Variants in AIG1 observed in about 807,000 individuals in gnomAD.
AIG1 encodes androgen induced 1.
In AIG1, 23 loss-of-function variants were observed where a neutral mutation model predicts 31.4. That is an observed-to-expected ratio of 0.73 (90% confidence interval 0.53 to 1.04). The LOEUF (loss-of-function observed/expected upper bound fraction) is 1.04. Ranked by LOEUF, AIG1 falls within the 50% of genes least tolerant of loss-of-function variation. The probability of loss-of-function intolerance (pLI) is 0.00; values close to 1 mark genes in which losing one functional copy is unlikely to be tolerated. For missense variants in AIG1, 274 were observed against 295.0 expected, an observed-to-expected ratio of 0.93 and a Z score of 0.52; for synonymous variants, 100 against 110.5, an observed-to-expected ratio of 0.90 and a Z score of 0.60.
At chr6:143,289,041 G>A (rs1797879413) in intron 4 of AIG1, among the ~76,000 whole-genome samples, 1 of 152,090 alleles carries the variant, frequency 6.6e-6, no homozygotes, top group South Asian at 2.1e-4. Flanking sequence ...TGTAGATGAA[G>A]CCTCATACGT....
chr6:143,269,479 T>A (rs1389102647), intron 3 of AIG1, among the ~76,000 whole-genome samples: 1 of 152,138 alleles, frequency 6.6e-6, no homozygotes, highest in Non-Finnish European at 1.5e-5. Context: ...TATATATGCC[T>A]AAGAAAAATG....
chr6:143,221,171 C>T (rs1792484663), intron 3 of AIG1, among the ~76,000 whole-genome samples: 1 of 152,176 alleles, frequency 6.6e-6, no homozygotes, highest in Non-Finnish European at 1.5e-5. Flanking sequence ...GATAAGCACA[C>T]TCTTATTAAG....
chr6:143,063,247 C>G (rs571451170), intron 1 of AIG1, among the ~76,000 whole-genome samples: 1 of 152,160 alleles, frequency 6.6e-6, no homozygotes, highest in African/African-American at 2.4e-5. Context: ...AATCACCATA[C>G]AGGACTTTTT....
At chr6:143,316,702 A>G (rs529035491) in intron 4 of AIG1, among the ~76,000 whole-genome samples, 1 of 152,244 alleles carries the variant, frequency 6.6e-6, no homozygotes, top group African/African-American at 2.4e-5. Context: ...AATACAAAAG[A>G]TAAATGAAAC....
Position 143,293,664 on chromosome 6 carries a change from C to T in AIG1, c.515+9439C>T, listed in dbSNP as rs1562564421. 6.6e-6 allele frequency among the ~76,000 whole-genome samples: 1 copy of T among 152,166 alleles called. No homozygotes were observed. Reference sequence around the variant, plus strand: ...TTCTGAGTTTTTTGTTCTCCTACCCCCAACAGCTGGTTCTCAGACATTCTG... The same window carrying T: ...TTCTGAGTTTTTTGTTCTCCTACCCTCAACAGCTGGTTCTCAGACATTCTG... On this transcript the variant is annotated intron_variant, in intron 4 of 5. Coordinates refer to ENST00000357847, the MANE Select transcript of AIG1 (RefSeq NM_016108.4). The surrounding 1 kb of genome is among the most constrained non-coding windows in gnomAD (Gnocchi z 4.8).
chr6:143,287,671 T>G (rs1380397137), intron 4 of AIG1, among the ~76,000 whole-genome samples: 1 of 136,260 alleles, frequency 7.3e-6, no homozygotes, highest in Non-Finnish European at 1.5e-5. Flanking sequence ...GAGGACAGAA[T>G]GTACCCCATA....
At chr6:143,290,446 C>G (rs959697547) in intron 4 of AIG1, among the ~76,000 whole-genome samples, 1 of 152,200 alleles carries the variant, frequency 6.6e-6, no homozygotes, top group Non-Finnish European at 1.5e-5. Context: ...GGGCCGCATG[C>G]GCAGTGTGTT....
downstream of AIG1, among the ~76,000 whole-genome samples, chr6:143,342,028 C>T (rs571121203): frequency 3.3e-5 from 5 of 152,368 alleles, no homozygotes; most frequent in African/African-American, 1.2e-4. Flanking sequence ...CTGGTTCAAA[C>T]GATTCTCCTG....
chr6:143,272,216 G>A (rs17591455), intron 3 of AIG1, among the ~76,000 whole-genome samples: 9,424 of 152,200 alleles, frequency 0.062, 663 homozygotes, highest in East Asian at 0.33. Flanking sequence ...AACTCCGCCC[G>A]AGACAGAGCT....
In AIG1 at chr6:143,322,673, G is replaced by A. The variant is rs1010987997; in HGVS notation, c.516-10609G>A. ...CACATCACTTAAAATCACTGTAGAC[G>A]TGTGCCAGGAAATGTGTTGGAGGAA... On this transcript the variant is annotated intron_variant, in intron 4 of 5. Coordinates refer to ENST00000357847, the MANE Select transcript of AIG1 (RefSeq NM_016108.4). 3.0e-4 allele frequency among the ~76,000 whole-genome samples: 46 copies of A among 152,264 alleles called. 1 individual carries two copies. Among genetic ancestry groups the A allele is most frequent in the Admixed American group, 6.5e-4 (10 of 15,294 alleles).
At chr6:143,121,894 A>C (rs1021819304) in intron 1 of AIG1, among the ~76,000 whole-genome samples, 1 of 152,210 alleles carries the variant, frequency 6.6e-6, no homozygotes, top group Non-Finnish European at 1.5e-5. Context: ...AGTTAGTATA[A>C]ATTTAGTAAG....
rs1777643872 is a variant in AIG1 at position 143,338,101 on chromosome 6, G to A, written c.680-1538G>A. 5.0e-6 allele frequency: 2 copies of A among 398,592 alleles called. No homozygotes were observed. Among genetic ancestry groups the A allele is most frequent in the Non-Finnish European group, 8.8e-6 (2 of 226,104 alleles). 24.7% of individuals were successfully genotyped at this position (398,592 alleles called of 1,614,324 possible). ...CAAGTCAACCCATCTGCAGGAGAAC[G>A]CTTTGGAAAAAACAGACTTTAAAAA... is the stretch of plus-strand genomic sequence containing the variant. On this transcript the variant is annotated intron_variant, in intron 5 of 5. Coordinates refer to ENST00000357847, the MANE Select transcript of AIG1 (RefSeq NM_016108.4). This position sits in a 1 kb window ranked among gnomAD's most constrained non-coding sequence, Gnocchi z 4.3.
chr6:143,221,756 A>C (rs1792533666), intron 3 of AIG1, among the ~76,000 whole-genome samples: 1 of 152,196 alleles, frequency 6.6e-6, no homozygotes, highest in South Asian at 2.1e-4. Flanking sequence ...GATTCAATGC[A>C]ATAATTCATG....
At chr6:143,122,336 C>G (rs960944879) in intron 1 of AIG1, among the ~76,000 whole-genome samples, 4 of 152,002 alleles carry the variant, frequency 2.6e-5, no homozygotes, top group Non-Finnish European at 5.9e-5. Flanking sequence ...TGTCCATGTA[C>G]AACTTTGACT....
At chr6:143,149,911 A>G (rs896457132) in intron 2 of AIG1, among the ~76,000 whole-genome samples, 5 of 152,234 alleles carry the variant, frequency 3.3e-5, no homozygotes, top group Non-Finnish European at 5.9e-5. Context: ...TATCCAGTAT[A>G]TCATCTGTGA....
At chr6:143,171,440 A>ATT (rs1366247892) in intron 3 of AIG1, among the ~76,000 whole-genome samples, 1 of 91,414 alleles carries the variant, frequency 1.1e-5, no homozygotes, top group South Asian at 3.6e-4. Context: ...TAATATATAT[A>ATT]TAATATATAT....
At chr6:143,166,421 C>G in intron 3 of AIG1, among the ~76,000 whole-genome samples, 1 of 152,208 alleles carries the variant, frequency 6.6e-6, no homozygotes, top group East Asian at 1.9e-4. Context: ...GCCCCAAATG[C>G]CCTTCTCAGT....
intron 1 of AIG1, among the ~76,000 whole-genome samples, chr6:143,067,981 C>G (rs1776877052): frequency 6.6e-6 from 1 of 152,076 alleles, no homozygotes; most frequent in South Asian, 2.1e-4. Context: ...GCATAGAATC[C>G]TCTTCACCTT....
In AIG1 at chr6:143,222,904, C is replaced by A. The variant is rs535500587; in HGVS notation, c.399+57721C>A. On this transcript the variant is annotated intron_variant, in intron 3 of 5. Transcript: ENST00000357847. ...TTTGGATACATCTTTAAGTCTTACT[C>A]TGCAGCTCATCCTTAACAACTGACA... Among the ~76,000 whole-genome samples, 21 of 152,348 alleles carry A rather than the reference C, an allele frequency of 1.4e-4. No individual in the cohort carries two copies. In the East Asian group the frequency reaches 4.0e-3, roughly 29 times the overall value.
Sources: gnomAD v4.1 joint callset for allele counts (sites outside exome capture counted in the v4.1 genomes callset) on GRCh38, gnomAD v4.1.1 for gene constraint, Gnocchi (gnomAD v3.1) non-coding constraint, MANE v1.5 for transcripts, NCBI Gene and HGNC (gene_info 2026-07-23, HGNC 2026-07-21) for gene names.